Variants in TMEM150C observed in about 807,000 individuals in gnomAD.
TMEM150C encodes the protein transmembrane protein 150C, also known as tentonin 3.
A neutral mutation model predicts 29.9 loss-of-function variants in TMEM150C; 10 were observed. The observed-to-expected ratio is 0.33, with a 90% CI of 0.21 to 0.57. The LOEUF (loss-of-function observed/expected upper bound fraction) is 0.57, where lower values mean the gene tolerates loss of function less well. Among genes scored for constraint, TMEM150C ranks in the 20% least tolerant of loss-of-function variants. The pLI is 0.88. For missense variants in TMEM150C, 251 were observed against 303.6 expected (o/e 0.83, Z 1.29); for synonymous variants, 101 against 112.5 (o/e 0.90, Z 0.64).
chr4:82,546,220 A>G (rs532622192), intron 1 of TMEM150C, among the ~76,000 whole-genome samples: 3 of 152,326 alleles, frequency 2.0e-5, no homozygotes, highest in East Asian at 3.9e-4. Context: ...TTCCCACAGA[A>G]CTAGAAAAAA....
At chr4:82,497,450 A>T (rs1271837715) in intron 5 of TMEM150C, among the ~76,000 whole-genome samples, 1 of 152,158 alleles carries the variant, frequency 6.6e-6, no homozygotes, top group East Asian at 1.9e-4. Flanking sequence ...CTATCCATAA[A>T]TTTGCATTTC....
chr4:82,501,234 T>C (rs1156632277), intron 5 of TMEM150C, among the ~76,000 whole-genome samples: 1 of 152,194 alleles, frequency 6.6e-6, no homozygotes, highest in African/African-American at 2.4e-5. Context: ...CTGGCAGCTC[T>C]GAGGCTGAAA....
intron 1 of TMEM150C, among the ~76,000 whole-genome samples, chr4:82,544,443 C>G (rs1725290651): frequency 6.6e-6 from 1 of 152,202 alleles, no homozygotes; most frequent in Non-Finnish European, 1.5e-5. Flanking sequence ...GCCCTGCCCA[C>G]CTGACCCAGC....
chr4:82,508,589 C>T (rs1724014148), intron 1 of TMEM150C, among the ~76,000 whole-genome samples: 1 of 152,084 alleles, frequency 6.6e-6, no homozygotes, highest in African/African-American at 2.4e-5. Context: ...CCTCAGCCTC[C>T]TGAGTAGCTG....
At chr4:82,490,362 T>C in intron 6 of TMEM150C, 124 bp from the exon 7 acceptor site, 5 of 859,688 alleles carry the variant, frequency 5.8e-6, no homozygotes, top group South Asian at 1.6e-5. Flanking sequence ...GGATGATAGA[T>C]TGCAGAAAGA....
intron 1 of TMEM150C, 76 bp from the exon 2 acceptor site, chr4:82,504,743 T>C (rs772802660): frequency 4.4e-5 from 57 of 1,297,586 alleles, no homozygotes; most frequent in Non-Finnish European, 6.1e-5. Flanking sequence ...AAGTTTAGTC[T>C]AACTGGGCCA....
chr4:82,518,455 C>T (rs1341309360), intron 1 of TMEM150C, among the ~76,000 whole-genome samples: 2 of 152,230 alleles, frequency 1.3e-5, no homozygotes. Context: ...TTGTCCTGGG[C>T]TACCTCTATA....
At chr4:82,537,021 G>A (rs377457989) in intron 1 of TMEM150C, among the ~76,000 whole-genome samples, 110 of 152,124 alleles carry the variant, frequency 7.2e-4, no homozygotes, top group Admixed American at 1.8e-3. Context: ...TCACTCTGCC[G>A]CCCAGGCTGG....
At chr4:82,529,554 C>T (rs1166676957) in intron 1 of TMEM150C, among the ~76,000 whole-genome samples, 1 of 152,170 alleles carries the variant, frequency 6.6e-6, no homozygotes, top group Admixed American at 6.5e-5. Context: ...TCCCCAAGTG[C>T]TGGGATTACA....
At position 82,561,279 on chromosome 4, in the gene TMEM150C, G is replaced by A. The variant is rs554141951; in HGVS notation, c.-11+627C>T. On this transcript the variant is annotated intron_variant, in intron 1 of 7. Transcript: ENST00000449862. The stretch of plus-strand genomic sequence containing the variant: ...AACCCACCTACCACGGCCTCCCGCC[G>A]AAAAACCAAAAATCCCATTTCTTCC... Among the ~76,000 whole-genome samples, 8 of 152,274 alleles carry A rather than the reference G, an allele frequency of 5.3e-5. No homozygotes were observed. The East Asian group carries it at 1.5e-3, about 29-fold the overall frequency.
chr4:82,528,829 C>T (rs1253600837), intron 1 of TMEM150C, among the ~76,000 whole-genome samples: 1 of 152,016 alleles, frequency 6.6e-6, no homozygotes, highest in Non-Finnish European at 1.5e-5. Context: ...CTCCTGACCT[C>T]GTGATCTGCC....
intron 1 of TMEM150C, among the ~76,000 whole-genome samples, chr4:82,512,099 T>C (rs1403611075): frequency 1.3e-5 from 2 of 152,196 alleles, no homozygotes; most frequent in Non-Finnish European, 2.9e-5. Context: ...ACCTGGCCCA[T>C]GAGATGCAAG....
chr4:82,503,428 G>A (rs1723798843), intron 2 of TMEM150C, among the ~76,000 whole-genome samples: 1 of 152,174 alleles, frequency 6.6e-6, no homozygotes, highest in Non-Finnish European at 1.5e-5. Context: ...TCGGGAATAT[G>A]TGTCCTACCT....
intron 6 of TMEM150C, chr4:82,491,731 A>T (rs1307037714): frequency 2.8e-6 from 1 of 361,920 alleles, no homozygotes; most frequent in African/African-American, 2.1e-5. Context: ...TGAACTTCTG[A>T]GCTCAAGTAA....
At chr4:82,548,174 G>GGT (rs1387942720) in intron 1 of TMEM150C, among the ~76,000 whole-genome samples, 1 of 152,104 alleles carries the variant, frequency 6.6e-6, no homozygotes, top group Non-Finnish European at 1.5e-5. Flanking sequence ...TAAAGATGAG[G>GGT]ACTACCAGAG....
At position 82,495,753 on chromosome 4, in the gene TMEM150C, A is replaced by G. The variant is rs190358115; in HGVS notation, c.363+315T>C. On this transcript the variant is annotated intron_variant, in intron 6 of 7. Transcript: ENST00000449862. The stretch of plus-strand genomic sequence containing the variant: ...TCCCACCACTGATTCGGACCACATA[A>G]CCCTTCCATTCTTCACCCAGAGCAT... 3.3e-3 allele frequency: 1,211 copies of G among 366,572 alleles called. 4 individuals are homozygous for G. Among genetic ancestry groups the G allele is most frequent in the Non-Finnish European group, 4.9e-3 (929 of 188,186 alleles). The allele number at this position is 366,572 out of a possible 1,614,324, so 22.7% of individuals were successfully genotyped here. A position where few individuals can be genotyped will look rare whatever the true frequency, so the allele number is the denominator to read the frequency against.
chr4:82,534,652 C>T (rs550453918), intron 1 of TMEM150C, among the ~76,000 whole-genome samples: 1 of 152,146 alleles, frequency 6.6e-6, no homozygotes. Flanking sequence ...AATGCAGATT[C>T]CTGGTTTACA....
intron 1 of TMEM150C, among the ~76,000 whole-genome samples, chr4:82,539,290 T>C (rs1423144901): frequency 6.6e-6 from 1 of 152,118 alleles, no homozygotes; most frequent in Non-Finnish European, 1.5e-5. Flanking sequence ...TTAATGCTGT[T>C]CTGGCCGTTT....
At chr4:82,491,547 G>C in intron 6 of TMEM150C, 1 of 669,190 alleles carries the variant, frequency 1.5e-6, no homozygotes, top group South Asian at 1.7e-5. Flanking sequence ...CTCAAACCAG[G>C]GATTCACCAC....
Sources: allele counts gnomAD v4.1 joint callset (sites outside exome capture counted in the v4.1 genomes callset), GRCh38; gene constraint gnomAD v4.1.1; transcripts MANE v1.5; gene names NCBI Gene and HGNC (gene_info 2026-07-23, HGNC 2026-07-21).